NRK: variants seen among roughly 807,000 people sequenced by gnomAD.
NRK encodes nik-related protein kinase.
Under a neutral mutation model 125.2 loss-of-function variants are expected in NRK, and 67 were observed. The ratio of observed to expected loss-of-function variants is 0.54; its 90% CI spans 0.44 to 0.66. The LOEUF is 0.66. Ranked by LOEUF, NRK falls within the 30% of genes least tolerant of loss-of-function variation. The pLI is 0.00. For synonymous variants in NRK, 458 were observed against 429.0 expected, an observed-to-expected ratio of 1.07 and a Z score of -0.84; for missense variants, 1,224 against 1,192.9, an observed-to-expected ratio of 1.03 and a Z score of -0.38.
At position 105,883,660 on chromosome X, in the gene NRK, A is replaced by C. The variant is rs759066626; in HGVS notation, c.252+1881A>C. ...CAGGACACATAAGCTTTCTAACTCAAAAAGAAAAGGAATCACCTTAACATC... is the reference window on the plus strand; with the variant it reads ...CAGGACACATAAGCTTTCTAACTCACAAAGAAAAGGAATCACCTTAACATC... On this transcript the variant is annotated intron_variant, in intron 4 of 28. Transcript: ENST00000243300. Among the ~76,000 whole-genome samples the C allele has an allele frequency of 1.9e-4, 21 of 112,277 alleles. 1 individual carries two copies. In the South Asian group the frequency reaches 6.6e-3, roughly 36 times the overall value.
intron 2 of NRK, among the ~76,000 whole-genome samples, chrX:105,850,066 C>T (rs376003277): frequency 5.3e-5 from 6 of 112,387 alleles, no homozygotes; most frequent in East Asian, 5.7e-4. Flanking sequence ...CCCACCCCTG[C>T]GGCAAACCTT....
Position 105,935,413 on chromosome X carries a change from C to G in NRK, c.3655+88C>G, listed in dbSNP as rs1218613772. Reference sequence around the variant, plus strand: ...ACATAAAATATTTGCTTACTCTTACCAAGTCATTACAATAAAAATATATTT... The same window carrying G: ...ACATAAAATATTTGCTTACTCTTACGAAGTCATTACAATAAAAATATATTT... On this transcript the variant is annotated intron_variant, in intron 21 of 28. Transcript: ENST00000243300. 3 of 549,962 alleles carry G rather than the reference C, an allele frequency of 5.5e-6. No individual in the cohort carries two copies. The African/African-American group carries it at 7.2e-5, about 13-fold the overall frequency. 45.3% of individuals were successfully genotyped at this position (549,962 alleles called of 1,213,427 possible).
chrX:105,956,053 T>C lies in NRK; in HGVS notation c.*453T>C, dbSNP rs2040973144. 8.9e-6 allele frequency: 1 copy of C among 112,089 alleles called. No homozygotes were observed. The allele number at this position is 112,089 out of a possible 1,213,427, so 9.2% of individuals were successfully genotyped here. A position where few individuals can be genotyped will look rare whatever the true frequency, so the allele number is the denominator to read the frequency against. ...GCTATATAAAGAACCAAAGGTTTAG[T>C]CAAGAAACAAAAATCTTAAAGATTA... On this transcript the variant is annotated 3_prime_UTR_variant, in exon 29 of 29. Transcript: ENST00000243300.
intron 16 of NRK, among the ~76,000 whole-genome samples, chrX:105,920,107 C>T (rs1392223857): frequency 9.5e-6 from 1 of 104,814 alleles, no homozygotes; most frequent in African/African-American, 3.5e-5. Context: ...CAGCTTTCTA[C>T]ATATGGCTAG....
In NRK at chrX:105,924,901, G is replaced by T. The variant is rs376619055; in HGVS notation, c.3182G>T (p.Gly1061Val). The change falls in exon 19 of 29, where the codon GGA (glycine) becomes GTA (valine). Residue 1061 changes from glycine to valine, a missense_variant. Transcript: ENST00000243300. ...GSERRGSEGD[G>V]GKGVVRTSEE... ...GAAAGAAGAGGCAGTGAGGGTGATG[G>T]AGGTAAGGGAGTCGTTCGAACCAGT... 71 of 1,208,905 alleles carry T rather than the reference G, an allele frequency of 5.9e-5. No individual in the cohort carries two copies. In the East Asian group the frequency reaches 1.9e-3, roughly 32 times the overall value.
In NRK at chrX:105,922,035, G is replaced by A. The variant is rs1383738331; in HGVS notation, c.2584G>A (p.Asp862Asn). Residue 862 changes from aspartate to asparagine, a missense_variant, in exon 17 of 29, where the codon GAT (aspartate) becomes AAT (asparagine). Asp to Asn is a conservative substitution (Grantham distance 23, BLOSUM62 1). Transcript: ENST00000243300. ...SQSSPPYSTIDQKLLVDIHVP... is the reference protein window; with the variant it reads ...SQSSPPYSTINQKLLVDIHVP... ...GTCATCACCACCTTATTCTACTATT[G>A]ATCAGAAGTTGCTGGTTGACATCCA... 3 of 1,148,741 alleles carry A rather than the reference G, an allele frequency of 2.6e-6. No homozygotes were observed. Among genetic ancestry groups the A allele is most frequent in the Non-Finnish European group, 3.6e-6 (3 of 842,203 alleles). 94.7% of individuals were successfully genotyped at this position (1,148,741 alleles called of 1,213,427 possible).
intron 14 of NRK, among the ~76,000 whole-genome samples, chrX:105,915,431 T>A (rs2040353285): frequency 9.0e-6 from 1 of 111,008 alleles, no homozygotes; most frequent in Non-Finnish European, 1.9e-5. Flanking sequence ...GACATAAAAT[T>A]CTTAGAAAAG....
At chrX:105,834,641 A>G (rs1304703064) in intron 2 of NRK, among the ~76,000 whole-genome samples, 3 of 110,290 alleles carry the variant, frequency 2.7e-5, no homozygotes, top group Non-Finnish European at 3.8e-5. Context: ...ATCCAATTTC[A>G]TATGTGTTAG....
At position 105,934,289 on chromosome X, in the gene NRK, C is replaced by T; in HGVS notation, c.3344C>T (p.Ala1115Val). 1 of 1,180,215 alleles carries T rather than the reference C, an allele frequency of 8.5e-7. No homozygotes were observed. The highest frequency in any genetic ancestry group is 1.1e-6 in the Non-Finnish European group (1 of 880,492). ...EPGGGNEASN[A>V]IDSGAAPSAP... ...GGTGGTGGAAATGAGGCCTCAAATG[C>T]CATTGACTCAGGTGCTGCACCGTCA... Residue 1115 changes from alanine (A) to valine (V), a missense_variant, in exon 20 of 29, where the codon GCC becomes GTC. Ala to Val is a moderately conservative substitution (Grantham distance 64). Coordinates refer to ENST00000243300, the MANE Select transcript of NRK (RefSeq NM_198465.4).
chrX:105,898,543 T>C, intron 7 of NRK, 41 bp from the exon 8 acceptor site: 1 of 1,154,426 alleles, frequency 8.7e-7, no homozygotes, highest in East Asian at 3.1e-5. Context: ...TAAGCTTTTT[T>C]CTCCTGATTG....
intron 2 of NRK, among the ~76,000 whole-genome samples, chrX:105,844,532 T>G (rs2039376447): frequency 8.9e-6 from 1 of 112,167 alleles, no homozygotes; most frequent in Non-Finnish European, 1.9e-5. Context: ...CAGATCTGAA[T>G]GTCTGGATTC....
chrX:105,822,746 C>G lies in NRK; in HGVS notation c.-100C>G. 1 of 807,934 alleles carries G rather than the reference C, an allele frequency of 1.2e-6. No individual in the cohort carries two copies. The highest frequency in any genetic ancestry group is 2.2e-5 in the South Asian group (1 of 45,574). The allele number at this position is 807,934 out of a possible 1,213,427, so 66.6% of individuals were successfully genotyped here. A position where few individuals can be genotyped will look rare whatever the true frequency, so the allele number is the denominator to read the frequency against. ...TCCCCAGACTCCTCTCTCCCGCCCT[C>G]CTCCTTCCTCTCTCCTCCCTTCAAC... On this transcript the variant is annotated 5_prime_UTR_variant, in exon 1 of 29. Transcript: ENST00000243300.
At chrX:105,934,477 C>T (rs377174239) in intron 20 of NRK, 33 bp downstream of exon 20, 9 of 940,980 alleles carry the variant, frequency 9.6e-6, no homozygotes, top group African/African-American at 1.9e-5. Context: ...CTAAATGCTA[C>T]TATCTGTTCA....
chrX:105,854,865 C>A (rs940584456), intron 2 of NRK, among the ~76,000 whole-genome samples: 4 of 111,883 alleles, frequency 3.6e-5, no homozygotes, highest in Non-Finnish European at 7.5e-5. Context: ...TTGTGTGTGA[C>A]CTTAGGCAAA....
rs1170955884 is a variant in NRK, at chrX:105,944,109, G to A, written c.4059+68G>A. ...TTGAGAAGAAATTGTGAACAGAATC[G>A]TACCTTGGAATACAGATGCAGAAGT... On this transcript the variant is annotated intron_variant, in intron 24 of 28. Transcript: ENST00000243300. 3.5e-5 allele frequency: 20 copies of A among 566,684 alleles called. No homozygotes were observed. In the South Asian group the frequency reaches 5.8e-4, roughly 16 times the overall value. The allele number at this position is 566,684 out of a possible 1,213,427, so 46.7% of individuals were successfully genotyped here. A position where few individuals can be genotyped will look rare whatever the true frequency, so the allele number is the denominator to read the frequency against.
intron 2 of NRK, among the ~76,000 whole-genome samples, chrX:105,846,710 C>T (rs760062510): frequency 4.5e-5 from 5 of 111,440 alleles, no homozygotes; most frequent in Non-Finnish European, 9.4e-5. Context: ...TTTGCTGTAC[C>T]TTCTACCATC....
At chrX:105,913,328 T>C (rs181036047) in intron 14 of NRK, among the ~76,000 whole-genome samples, 129 of 112,546 alleles carry the variant, frequency 1.1e-3, no homozygotes, top group Admixed American at 0.011. Context: ...ATAAAACTCA[T>C]TGATCTATCT....
At chrX:105,844,243 G>A (rs1405793220) in intron 2 of NRK, among the ~76,000 whole-genome samples, 1 of 110,843 alleles carries the variant, frequency 9.0e-6, no homozygotes, top group Non-Finnish European at 1.9e-5. Context: ...TACATGAGTA[G>A]GAAGGTGCCT....
intron 2 of NRK, among the ~76,000 whole-genome samples, chrX:105,845,943 C>T (rs958171083): frequency 6.3e-5 from 7 of 111,186 alleles, no homozygotes; most frequent in Non-Finnish European, 9.4e-5. Flanking sequence ...AGAGTTTTCT[C>T]CTTGACATGC....
Sources: allele counts gnomAD v4.1 joint callset (sites outside exome capture counted in the v4.1 genomes callset), GRCh38; gene constraint gnomAD v4.1.1; transcripts MANE v1.5; gene names NCBI Gene and HGNC (gene_info 2026-07-23, HGNC 2026-07-21).